DPYSL3: variants seen among roughly 807,000 people sequenced by gnomAD.
DPYSL3 encodes the protein dihydropyrimidinase-related protein 3.
Under a neutral mutation model 66.1 loss-of-function variants are expected in DPYSL3, and 16 were observed. The observed-to-expected ratio is 0.24, with a 90% CI of 0.16 to 0.37. DPYSL3 has a LOEUF of 0.37. Among genes scored for constraint, DPYSL3 ranks in the 10% least tolerant of loss-of-function variants. The pLI is 1.00. For synonymous variants in DPYSL3, 338 were observed against 345.1 expected, an observed-to-expected ratio of 0.98 and a Z score of 0.23; for missense variants, 738 against 916.2, an observed-to-expected ratio of 0.81 and a Z score of 2.51.
intron 1 of DPYSL3, 59 bp from the exon 2 acceptor site, chr5:147,425,022 C>A: frequency 7.2e-7 from 1 of 1,383,608 alleles, no homozygotes; most frequent in South Asian, 1.2e-5. Context: ...GAAGAGTGAT[C>A]TGCCAAGGTT....
At chr5:147,432,762 G>T (rs1038879989) in intron 1 of DPYSL3, among the ~76,000 whole-genome samples, 6 of 152,244 alleles carry the variant, frequency 3.9e-5, no homozygotes, top group Admixed American at 2.0e-4. Context: ...GCTGTTATTT[G>T]CTTAATATTA....
At position 147,431,927 on chromosome 5, in the gene DPYSL3, G is replaced by T. The variant is rs556592388; in HGVS notation, c.382-6964C>A. On this transcript the variant is annotated intron_variant, in intron 1 of 13. Transcript: ENST00000343218. The stretch of plus-strand genomic sequence containing the variant: ...CCCACGCTCCCTCCAGTACATGGGT[G>T]TGTTTCTAGGACCCTCGATGACAAG... Among the ~76,000 whole-genome samples, 13 of 152,264 alleles carry T rather than the reference G, an allele frequency of 8.5e-5. 1 individual carries two copies. In the South Asian group the frequency reaches 1.9e-3, roughly 22 times the overall value.
chr5:147,451,648 G>C (rs1382493076), intron 1 of DPYSL3, among the ~76,000 whole-genome samples: 2 of 152,238 alleles, frequency 1.3e-5, no homozygotes, highest in East Asian at 3.9e-4. Flanking sequence ...AAAAATATCG[G>C]TTCTCTGCCT....
chr5:147,400,592 T>C (rs1758141089), intron 10 of DPYSL3, 100 bp downstream of exon 10: 5 of 1,469,132 alleles, frequency 3.4e-6, no homozygotes, highest in South Asian at 1.3e-5. Context: ...AGATCCCATC[T>C]GCACTCGCAG....
intron 1 of DPYSL3, among the ~76,000 whole-genome samples, chr5:147,493,893 A>G (rs993702104): frequency 3.9e-5 from 6 of 152,212 alleles, no homozygotes; most frequent in East Asian, 3.9e-4. Context: ...AAATACGTGG[A>G]TATTAAACAA....
chr5:147,406,564 T>C (rs1264413042), intron 7 of DPYSL3, among the ~76,000 whole-genome samples: 4 of 152,282 alleles, frequency 2.6e-5, no homozygotes, highest in Non-Finnish European at 5.9e-5. Flanking sequence ...ATAAAGCAGT[T>C]AGCTCATTCC....
chr5:147,469,772 A>T (rs1186316297), intron 1 of DPYSL3, among the ~76,000 whole-genome samples: 1 of 152,168 alleles, frequency 6.6e-6, no homozygotes, highest in Non-Finnish European at 1.5e-5. Flanking sequence ...TTGCTTCCCA[A>T]TCCTTAGCTC....
intron 1 of DPYSL3, among the ~76,000 whole-genome samples, chr5:147,489,329 A>T (rs1223436663): frequency 6.6e-6 from 1 of 152,106 alleles, no homozygotes; most frequent in Non-Finnish European, 1.5e-5. Context: ...CCCATTCAGC[A>T]CTGATGCTTA....
At chr5:147,436,974 A>G (rs191613198) in intron 1 of DPYSL3, among the ~76,000 whole-genome samples, 1 of 152,218 alleles carries the variant, frequency 6.6e-6, no homozygotes, top group South Asian at 2.1e-4. Context: ...GGGATTTAAG[A>G]GAAAGGTCAG....
intron 2 of DPYSL3, among the ~76,000 whole-genome samples, chr5:147,422,201 G>A (rs1366601779): frequency 6.6e-6 from 1 of 152,048 alleles, no homozygotes; most frequent in Non-Finnish European, 1.5e-5. Flanking sequence ...GATATGAACA[G>A]ACACTTCTTA....
At chr5:147,469,103 G>T (rs1416262524) in intron 1 of DPYSL3, among the ~76,000 whole-genome samples, 2 of 152,184 alleles carry the variant, frequency 1.3e-5, no homozygotes, top group South Asian at 2.1e-4. Context: ...GACCACTGGG[G>T]CACCCTCAAG....
In DPYSL3 at chr5:147,392,110, G is replaced by C. The variant is rs1757827418; in HGVS notation, c.*1925C>G. The C allele has an allele frequency of 6.6e-6, 1 of 152,172 alleles. No homozygotes were observed. The highest frequency in any genetic ancestry group is 1.5e-5 in the Non-Finnish European group (1 of 68,036). The allele number at this position is 152,172 out of a possible 1,614,324, so 9.4% of individuals were successfully genotyped here. A position where few individuals can be genotyped will look rare whatever the true frequency, so the allele number is the denominator to read the frequency against. On this transcript the variant is annotated 3_prime_UTR_variant, in exon 14 of 14. Coordinates refer to ENST00000343218, the MANE Select transcript of DPYSL3 (RefSeq NM_001197294.2). ...CCTAGTCAATGAGGTATATGCTTCAGATCTGGCAAACTCTCTCTGCACATA... is the reference window on the plus strand; with the variant it reads ...CCTAGTCAATGAGGTATATGCTTCACATCTGGCAAACTCTCTCTGCACATA...
intron 11 of DPYSL3, among the ~76,000 whole-genome samples, chr5:147,398,615 A>G (rs922880969): frequency 1.3e-5 from 2 of 152,222 alleles, no homozygotes; most frequent in Non-Finnish European, 2.9e-5. Context: ...CTCATCGTGA[A>G]GAAGTCATCA....
intron 1 of DPYSL3, among the ~76,000 whole-genome samples, chr5:147,488,769 C>A (rs1027461902): frequency 1.3e-5 from 2 of 152,074 alleles, no homozygotes; most frequent in East Asian, 3.9e-4. Context: ...AATCCCACCA[C>A]TTTGGGAGGC....
Position 147,509,871 on chromosome 5 carries a change from A to C in DPYSL3, c.-13T>G. 6.7e-7 allele frequency: 1 copy of C among 1,499,406 alleles called. No individual in the cohort carries two copies. The highest frequency in any genetic ancestry group is 8.9e-7 in the Non-Finnish European group (1 of 1,124,208). 92.9% of individuals were successfully genotyped at this position (1,499,406 alleles called of 1,614,324 possible). A position where few individuals can be genotyped will look rare whatever the true frequency, so the allele number is the denominator to read the frequency against. ...GGCCCGAGGCCATGGTTCAAGCACG[A>C]AAGCGGCCCGCGGGTTTTTCTTCCC... On this transcript the variant is annotated 5_prime_UTR_variant, in exon 1 of 14. Transcript: ENST00000343218. The surrounding 1 kb of genome is among the most constrained non-coding windows in gnomAD (Gnocchi z 5.3).
rs114520987 is a variant in DPYSL3 at position 147,472,671 on chromosome 5, G to T, written c.381+36807C>A. The T allele has an allele frequency of 1.7e-3, 260 of 152,220 alleles. 1 individual carries two copies. Among genetic ancestry groups the T allele is most frequent in the African/African-American group, 6.0e-3 (249 of 41,538 alleles). The allele number at this position is 152,220 out of a possible 1,614,324, so 9.4% of individuals were successfully genotyped here. On this transcript the variant is annotated intron_variant, in intron 1 of 13. Transcript: ENST00000343218. ...TTTCCAAGTATGACCCTGCCTTTAAGTATCTCTCTGTTTTTCAAATTATGT... is the reference window on the plus strand; with the variant it reads ...TTTCCAAGTATGACCCTGCCTTTAATTATCTCTCTGTTTTTCAAATTATGT...
At chr5:147,473,530 T>C (rs985106194) in intron 1 of DPYSL3, among the ~76,000 whole-genome samples, 1 of 152,146 alleles carries the variant, frequency 6.6e-6, no homozygotes, top group African/African-American at 2.4e-5. Context: ...TGAATAAACT[T>C]GAGAAATGGT....
At position 147,413,677 on chromosome 5, in the gene DPYSL3, G is replaced by A; in HGVS notation, c.821-20C>T. On this transcript the variant is annotated intron_variant, in intron 4 of 13. Coordinates refer to ENST00000343218, the MANE Select transcript of DPYSL3 (RefSeq NM_001197294.2). The stretch of plus-strand genomic sequence containing the variant: ...TAACCCCTGCAAAAGAGGGACAGGA[G>A]GAAAAACAAGAGAAAGACAACATTA... 1 of 1,596,046 alleles carries A rather than the reference G, an allele frequency of 6.3e-7. No homozygotes were observed. Among genetic ancestry groups the A allele is most frequent in the Non-Finnish European group, 8.6e-7 (1 of 1,165,292 alleles).
In DPYSL3 at chr5:147,413,615, T is replaced by C. The variant is rs575844670; in HGVS notation, c.863A>G (p.Tyr288Cys). Residue 288 changes from tyrosine (Y) to cysteine (C), a missense_variant, in exon 5 of 14, where the codon TAT becomes TGT. Tyr to Cys is a radical substitution (Grantham distance 194, BLOSUM62 -2). Coordinates refer to ENST00000343218, the MANE Select transcript of DPYSL3 (RefSeq NM_001197294.2). ...TGTTACCTCTGTGTTAGATACTTGA[T>C]ACAAATCCTTATAAGCCATATAAAC... Reference protein sequence around the residue: ...FMVYMAYKDLYQVSNTELYEI... With the variant: ...FMVYMAYKDLCQVSNTELYEI... The C allele has an allele frequency of 1.2e-6, 2 of 1,613,362 alleles. No individual in the cohort carries two copies. The highest frequency in any genetic ancestry group is 1.1e-5 in the South Asian group (1 of 90,960).
Sources: allele counts gnomAD v4.1 joint callset (sites outside exome capture counted in the v4.1 genomes callset), GRCh38; gene constraint gnomAD v4.1.1; non-coding constraint Gnocchi (gnomAD v3.1); transcripts MANE v1.5; gene names NCBI Gene and HGNC (gene_info 2026-07-23, HGNC 2026-07-21).